Variants in CLVS1 observed in about 807,000 individuals in gnomAD.
CLVS1 encodes the protein clavesin-1.
CLVS1 carries 10 observed loss-of-function variants against 33.1 expected under a neutral mutation model. That is an observed-to-expected ratio of 0.30 (90% CI 0.19 to 0.51). The LOEUF is 0.51. Among genes scored for constraint, CLVS1 ranks in the 20% least tolerant of loss-of-function variants. The pLI is 0.97. For synonymous variants in CLVS1, 163 were observed against 166.1 expected (o/e 0.98, Z 0.14); for missense variants, 343 against 433.4 (o/e 0.79, Z 1.85).
At chr8:61,089,749 A>G (rs944983331) in intron 1 of CLVS1, among the ~76,000 whole-genome samples, 1 of 151,848 alleles carries the variant, frequency 6.6e-6, no homozygotes, top group Non-Finnish European at 1.5e-5. Flanking sequence ...CAAGACTCTT[A>G]TCTCTACAAA....
intron 2 of CLVS1, among the ~76,000 whole-genome samples, chr8:61,254,053 A>G (rs1357859369): frequency 6.6e-6 from 1 of 152,078 alleles, no homozygotes; most frequent in African/African-American, 2.4e-5. Context: ...TTGTGGTTTT[A>G]TCTACCTTTG....
intron 1 of CLVS1, among the ~76,000 whole-genome samples, chr8:61,105,565 G>T (rs892781137): frequency 1.3e-5 from 2 of 152,318 alleles, no homozygotes; most frequent in African/African-American, 4.8e-5. Context: ...GCAGTGCATG[G>T]CCAGGGACAT....
At chr8:61,478,148 G>A (rs1818027822) in intron 5 of CLVS1, among the ~76,000 whole-genome samples, 1 of 152,186 alleles carries the variant, frequency 6.6e-6, no homozygotes, top group Admixed American at 6.5e-5. Flanking sequence ...TCTTAATCCT[G>A]AGTTCTAGTT....
intron 1 of CLVS1, among the ~76,000 whole-genome samples, chr8:61,073,691 A>T (rs1374853900): frequency 1.3e-5 from 2 of 152,122 alleles, no homozygotes; most frequent in Non-Finnish European, 2.9e-5. Flanking sequence ...TCATGAGCCC[A>T]TAGTCTAATA....
At chr8:61,348,557 A>T (rs1585837788) in intron 2 of CLVS1, among the ~76,000 whole-genome samples, 1 of 152,164 alleles carries the variant, frequency 6.6e-6, no homozygotes, top group African/African-American at 2.4e-5. Context: ...AGGATTTCCT[A>T]CTTTTTATGG....
chr8:61,483,147 C>A (rs1803731054), intron 5 of CLVS1, among the ~76,000 whole-genome samples: 1 of 152,154 alleles, frequency 6.6e-6, no homozygotes, highest in South Asian at 2.1e-4. Flanking sequence ...ATCAATGAAT[C>A]CAGGAGCTGG....
At chr8:61,260,675 G>A (rs1408185329) in intron 2 of CLVS1, among the ~76,000 whole-genome samples, 2 of 152,180 alleles carry the variant, frequency 1.3e-5, no homozygotes, top group Non-Finnish European at 2.9e-5. Context: ...AAAGAAAAGT[G>A]GTCCTGCCTG....
chr8:61,299,557 C>T, intron 1 of CLVS1, 120 bp from the exon 2 acceptor site: 1 of 376,670 alleles, frequency 2.7e-6, no homozygotes, highest in Non-Finnish European at 4.7e-6. Flanking sequence ...TCTTTGGACA[C>T]CTAATCTAAT....
the CLVS1 span, among the ~76,000 whole-genome samples, chr8:60,978,315 T>G: frequency 3.9e-5 from 6 of 152,208 alleles, no homozygotes; most frequent in African/African-American, 1.2e-4. Context: ...GATAATTGAA[T>G]AGGCAAATGC....
chr8:61,078,500 A>G (rs1804965090), intron 1 of CLVS1, among the ~76,000 whole-genome samples: 1 of 152,078 alleles, frequency 6.6e-6, no homozygotes, highest in South Asian at 2.1e-4. Flanking sequence ...GGCCATCTTG[A>G]TTTGTATTGC....
At chr8:61,106,596 G>T (rs1262888759) in intron 1 of CLVS1, among the ~76,000 whole-genome samples, 2 of 152,206 alleles carry the variant, frequency 1.3e-5, no homozygotes, top group Admixed American at 1.3e-4. Flanking sequence ...GCACCTCCGC[G>T]CAGGCGGTGG....
the CLVS1 span, among the ~76,000 whole-genome samples, chr8:61,036,842 C>T: frequency 6.6e-6 from 1 of 152,190 alleles, no homozygotes; most frequent in African/African-American, 2.4e-5. Context: ...GTACAAGATA[C>T]AAGAATTTAA....
intron 2 of CLVS1, among the ~76,000 whole-genome samples, chr8:61,150,188 G>A (rs1806500776): frequency 6.6e-6 from 1 of 151,250 alleles, no homozygotes; most frequent in Non-Finnish European, 1.5e-5. Flanking sequence ...TTGTCAGTGA[G>A]ATGAGAACCC....
intron 2 of CLVS1, among the ~76,000 whole-genome samples, chr8:61,344,876 C>T (rs1812149800): frequency 6.7e-6 from 1 of 149,354 alleles, no homozygotes; most frequent in Non-Finnish European, 1.5e-5. Context: ...AGAAAGCATA[C>T]TATTTGGGGA....
upstream of CLVS1, among the ~76,000 whole-genome samples, chr8:61,284,688 C>T (rs917423077): frequency 2.0e-5 from 3 of 152,168 alleles, no homozygotes; most frequent in Non-Finnish European, 1.5e-5. Context: ...ATTCCAAGGT[C>T]TTGCCATGTT....
chr8:61,306,461 A>C (rs914359748), intron 2 of CLVS1, among the ~76,000 whole-genome samples: 1 of 152,194 alleles, frequency 6.6e-6, no homozygotes, highest in African/African-American at 2.4e-5. Flanking sequence ...CATTACATGC[A>C]AGAATTTTCT....
the CLVS1 span, among the ~76,000 whole-genome samples, chr8:60,969,535 T>C: frequency 2.6e-5 from 4 of 152,226 alleles, no homozygotes. Flanking sequence ...AAAGGGGTTA[T>C]ACGTGTTTGA....
intron 5 of CLVS1, among the ~76,000 whole-genome samples, chr8:61,474,044 G>A (rs1586025041): frequency 6.6e-6 from 1 of 152,214 alleles, no homozygotes; most frequent in East Asian, 1.9e-4. Context: ...CAAGCCATGG[G>A]AATGGAGGAG....
intron 3 of CLVS1, among the ~76,000 whole-genome samples, chr8:61,418,570 G>T (rs970049435): frequency 6.6e-6 from 1 of 152,034 alleles, no homozygotes; most frequent in Non-Finnish European, 1.5e-5. Context: ...AATAAATATG[G>T]TGGAATTTCA....
Sources: gnomAD v4.1 joint callset for allele counts (sites outside exome capture counted in the v4.1 genomes callset) on GRCh38, gnomAD v4.1.1 for gene constraint, MANE v1.5 for transcripts, NCBI Gene and HGNC (gene_info 2026-07-23, HGNC 2026-07-21) for gene names.